The following ZBTB46 variants were observed in gnomAD, a reference collection of about 807,000 sequenced individuals.
ZBTB46 encodes the protein zinc finger and BTB domain containing 46, also known as zinc finger and BTB domain-containing protein 46.
In ZBTB46, 8 loss-of-function variants were observed where a neutral mutation model predicts 44.1. That is an observed-to-expected ratio of 0.18 (90% confidence interval 0.11 to 0.33). ZBTB46 has a LOEUF of 0.33. Among genes scored for constraint, ZBTB46 ranks in the 10% least tolerant of loss-of-function variants. The pLI is 1.00. For synonymous variants in ZBTB46, 409 were observed against 382.3 expected (o/e 1.07, Z -0.81); for missense variants, 651 against 847.7 (o/e 0.77, Z 2.88).
chr20:63,760,400 A>G (rs2092262615), intron 3 of ZBTB46, among the ~76,000 whole-genome samples: 1 of 152,044 alleles, frequency 6.6e-6, no homozygotes, highest in African/African-American at 2.4e-5. Flanking sequence ...ATTCGCATAA[A>G]GTTGTGTATA....
chr20:63,761,346 T>TTGCTA (rs1234155160), intron 3 of ZBTB46, among the ~76,000 whole-genome samples: 3 of 152,204 alleles, frequency 2.0e-5, no homozygotes, highest in African/African-American at 7.2e-5. Context: ...TGGGCTTAAT[T>TTGCTA]TGCTATGCTT....
Position 63,815,944 on chromosome 20 carries a change from A to ACGGTGGG in ZBTB46, c.-34+15152_-34+15153insCCCACCG, listed in dbSNP as rs1568902270. 4.3e-5 allele frequency among the ~76,000 whole-genome samples: 4 copies of ACGGTGGG among 93,452 alleles called. No homozygotes were observed. The East Asian group carries it at 2.2e-3, about 53-fold the overall frequency. The allele number at this position is 93,452 out of a possible 152,430, so 61.3% of individuals were successfully genotyped here. ...GGGCACAGGTGCAGTGGGTGCAGGT[A>ACGGTGGG]CAGTGGGCACAGGTGCAGTGGGTGC... On this transcript the variant is annotated intron_variant, in intron 1 of 4. Transcript: ENST00000245663.
intron 1 of ZBTB46, among the ~76,000 whole-genome samples, chr20:63,796,295 G>A (rs1156749222): frequency 6.6e-6 from 1 of 152,244 alleles, no homozygotes; most frequent in East Asian, 1.9e-4. Flanking sequence ...ACAAGGCAGG[G>A]AGGGCGGGAG....
At chr20:63,786,699 A>G (rs1043967729) in intron 2 of ZBTB46, among the ~76,000 whole-genome samples, 3 of 151,952 alleles carry the variant, frequency 2.0e-5, no homozygotes, top group Admixed American at 1.3e-4. Flanking sequence ...TTTAGTAGAG[A>G]CGGGGTTTCA....
At chr20:63,826,143 T>C (rs1050242618) in intron 1 of ZBTB46, among the ~76,000 whole-genome samples, 1 of 152,198 alleles carries the variant, frequency 6.6e-6, no homozygotes, top group Non-Finnish European at 1.5e-5. Context: ...AGGCTTCATT[T>C]TCTTCATTTT....
chr20:63,785,019 G>C (rs970162454), intron 2 of ZBTB46, among the ~76,000 whole-genome samples: 1 of 149,454 alleles, frequency 6.7e-6, no homozygotes, highest in African/African-American at 2.5e-5. Context: ...GGATCACGAG[G>C]TCAAGAGATC....
chr20:63,770,844 C>T (rs898655385), intron 3 of ZBTB46, among the ~76,000 whole-genome samples: 3 of 152,208 alleles, frequency 2.0e-5, no homozygotes, highest in African/African-American at 4.8e-5. Context: ...CGCCAGCCCA[C>T]GGGGAGGTAC....
At chr20:63,778,296 G>A (rs2092441218) in intron 2 of ZBTB46, among the ~76,000 whole-genome samples, 1 of 152,206 alleles carries the variant, frequency 6.6e-6, no homozygotes, top group Non-Finnish European at 1.5e-5. Context: ...GGCCAGCCAG[G>A]GCTTTGTGGA....
rs564294010 is a variant in ZBTB46, at chr20:63,744,456, T to C, written c.*2474A>G. ...ATGGACTGTATTTCCCACTTTGGTG[T>C]TGTAAACACCAAAATACAAACAGAC... is the stretch of plus-strand genomic sequence containing the variant. On this transcript the variant is annotated 3_prime_UTR_variant, in exon 5 of 5. Coordinates refer to ENST00000245663, the MANE Select transcript of ZBTB46 (RefSeq NM_001369741.1). 1 of 152,260 alleles carries C rather than the reference T, an allele frequency of 6.6e-6. No individual in the cohort carries two copies. Among genetic ancestry groups the C allele is most frequent in the East Asian group, 1.9e-4 (1 of 5,268 alleles). The allele number at this position is 152,260 out of a possible 1,614,324, so 9.4% of individuals were successfully genotyped here.
At chr20:63,833,653 C>T (rs1251030899), upstream of ZBTB46, among the ~76,000 whole-genome samples, 3 of 152,126 alleles carry the variant, frequency 2.0e-5, no homozygotes, top group African/African-American at 2.4e-5. Flanking sequence ...AGGCTCTGGG[C>T]CCCCTCTCAC....
chr20:63,809,566 T>G (rs2092706117), intron 1 of ZBTB46, among the ~76,000 whole-genome samples: 1 of 152,164 alleles, frequency 6.6e-6, no homozygotes, highest in South Asian at 2.1e-4. Flanking sequence ...TCTTCTCCCT[T>G]ACGAAGTTAG....
chr20:63,769,916 G>A (rs1465164476), intron 3 of ZBTB46, among the ~76,000 whole-genome samples: 3 of 152,216 alleles, frequency 2.0e-5, no homozygotes, highest in Non-Finnish European at 2.9e-5. Flanking sequence ...CCCGGGCCCA[G>A]CCGCTCCGCC....
intron 1 of ZBTB46, among the ~76,000 whole-genome samples, chr20:63,824,206 A>G (rs2092808334): frequency 6.6e-6 from 1 of 152,140 alleles, no homozygotes; most frequent in Non-Finnish European, 1.5e-5. Context: ...CAGATTCCAC[A>G]CTGAAATGGG....
At chr20:63,797,223 A>G (rs1208256117) in intron 1 of ZBTB46, among the ~76,000 whole-genome samples, 1 of 137,770 alleles carries the variant, frequency 7.3e-6, no homozygotes, top group Non-Finnish European at 1.5e-5. Flanking sequence ...TCATTGTTCA[A>G]TTCCCACCTA....
In ZBTB46 at chr20:63,789,677, C is replaced by T. The variant is rs2092543697; in HGVS notation, c.937+144G>A. On this transcript the variant is annotated intron_variant, in intron 2 of 4. Coordinates refer to ENST00000245663, the MANE Select transcript of ZBTB46 (RefSeq NM_001369741.1). ...ATGCATTGGCTGCATTCCCAGCGGT[C>T]ACGACAACCTCCTGTAAGAGGAAGT... 5 of 1,396,760 alleles carry T rather than the reference C, an allele frequency of 3.6e-6. No individual in the cohort carries two copies. The Admixed American group carries it at 1.0e-4, about 28-fold the overall frequency. 86.5% of individuals were successfully genotyped at this position (1,396,760 alleles called of 1,614,324 possible). A position where few individuals can be genotyped will look rare whatever the true frequency, so the allele number is the denominator to read the frequency against.
At chr20:63,802,333 G>C (rs1014639070) in intron 1 of ZBTB46, among the ~76,000 whole-genome samples, 3 of 152,036 alleles carry the variant, frequency 2.0e-5, no homozygotes, top group Non-Finnish European at 2.9e-5. Context: ...TGAGGCACAA[G>C]AATCACTTGA....
At chr20:63,769,552 AC>A (rs1432955963) in intron 3 of ZBTB46, among the ~76,000 whole-genome samples, 1 of 148,280 alleles carries the variant, frequency 6.7e-6, no homozygotes, top group African/African-American at 2.5e-5. Flanking sequence ...CAGCTGGCCA[AC>A]CCCAAATGCC....
intron 1 of ZBTB46, among the ~76,000 whole-genome samples, chr20:63,830,522 C>T (rs1029213259): frequency 4.0e-5 from 6 of 150,470 alleles, no homozygotes; most frequent in Non-Finnish European, 8.9e-5. Context: ...CAATGACCCC[C>T]CGGCCTCAGG....
intron 3 of ZBTB46, among the ~76,000 whole-genome samples, chr20:63,771,351 G>A (rs940107345): frequency 1.3e-5 from 2 of 152,142 alleles, no homozygotes; most frequent in East Asian, 1.9e-4. Context: ...TTCAGCAATG[G>A]GAGGACACGG....
Sources: allele counts gnomAD v4.1 joint callset (sites outside exome capture counted in the v4.1 genomes callset), GRCh38; gene constraint gnomAD v4.1.1; transcripts MANE v1.5; gene names NCBI Gene and HGNC (gene_info 2026-07-23, HGNC 2026-07-21).